MYOM1: variants seen among roughly 807,000 people sequenced by gnomAD.
MYOM1 encodes the protein myomesin-1.
In MYOM1, 164 loss-of-function variants were observed where a neutral mutation model predicts 205.3. The ratio of observed to expected loss-of-function variants is 0.80; its 90% CI spans 0.70 to 0.91. The LOEUF (loss-of-function observed/expected upper bound fraction) is 0.91, where lower values mean the gene tolerates loss of function less well. Among genes scored for constraint, MYOM1 ranks in the 40% least tolerant of loss-of-function variants. The pLI is 0.00. For synonymous variants in MYOM1, 772 were observed against 789.4 expected (o/e 0.98, Z 0.37); for missense variants, 2,011 against 2,127.3 (o/e 0.95, Z 1.08).
At chr18:3,139,941 AGTT>A (rs1204797402) in intron 14 of MYOM1, among the ~76,000 whole-genome samples, 4 of 152,190 alleles carry the variant, frequency 2.6e-5, no homozygotes, top group Non-Finnish European at 5.9e-5. Flanking sequence ...GCCTCCAAAT[AGTT>A]GTTATGTGCC....
At position 3,131,459 on chromosome 18, in the gene MYOM1, T is replaced by A; in HGVS notation, c.2422A>T (p.Ile808Phe). 2 of 1,613,846 alleles carry A rather than the reference T, an allele frequency of 1.2e-6. No individual in the cohort carries two copies. ...GCATTGACTGCTCTGACCCGGAAAA[T>A]ATAACTCTGACCAGTCACTAATCCA... The part of the protein sequence containing the change: ...CHGLVTGQSY[I>F]FRVRAVNAAG... The change falls in exon 17 of 38, where the codon ATT becomes TTT. Residue 808 changes from isoleucine to phenylalanine, a missense_variant. By Grantham distance (21) the Ile-to-Phe change is conservative (BLOSUM62 0). Transcript: ENST00000356443.
At chr18:3,212,229 A>C (rs1420406528) in intron 2 of MYOM1, among the ~76,000 whole-genome samples, 1 of 152,234 alleles carries the variant, frequency 6.6e-6, no homozygotes, top group African/African-American at 2.4e-5. Context: ...TTCAAACATA[A>C]CAAGCCATAA....
chr18:3,104,583 C>T (rs1567907559), intron 22 of MYOM1, among the ~76,000 whole-genome samples: 2 of 152,042 alleles, frequency 1.3e-5, no homozygotes, highest in African/African-American at 2.4e-5. Flanking sequence ...TAATCAGCCT[C>T]GCCATTCTCT....
At chr18:3,117,771 T>C (rs568369812) in intron 20 of MYOM1, among the ~76,000 whole-genome samples, 3 of 152,306 alleles carry the variant, frequency 2.0e-5, no homozygotes, top group South Asian at 4.1e-4. Context: ...TGTTATGCCA[T>C]GCTTTGGTGT....
Position 3,071,848 on chromosome 18 carries a change from T to G in MYOM1, c.4750A>C (p.Ile1584Leu). The change falls in exon 37 of 38, where the codon ATC becomes CTC. Residue 1584 changes from isoleucine (I) to leucine (L), a missense_variant. Ile to Leu is a conservative substitution (Grantham distance 5). Coordinates refer to ENST00000356443, the MANE Select transcript of MYOM1 (RefSeq NM_003803.4). ...VLGGLPDVVT[I>L]QEGKALNLTC... is the part of the protein sequence containing the mutation. ...TTCATGCTTACCTTCCCCTCCTGGATGGTGACCACGTCTGGGAGACCTCCC... is the reference window on the plus strand; with the variant it reads ...TTCATGCTTACCTTCCCCTCCTGGAGGGTGACCACGTCTGGGAGACCTCCC... 1 of 1,603,960 alleles carries G rather than the reference T, an allele frequency of 6.2e-7. No individual in the cohort carries two copies.
At chr18:3,102,386 T>C in intron 23 of MYOM1, 88 bp downstream of exon 23, 2 of 1,293,750 alleles carry the variant, frequency 1.5e-6, no homozygotes, top group Non-Finnish European at 2.1e-6. Context: ...CATCCTCTTA[T>C]TCCAAGCAAT....
intron 2 of MYOM1, among the ~76,000 whole-genome samples, chr18:3,214,598 T>TG: frequency 6.6e-6 from 1 of 151,740 alleles, no homozygotes; most frequent in Middle Eastern, 3.2e-3. Context: ...CCCAGGCGGG[T>TG]GGAACACCTG....
chr18:3,191,903 A>T lies in MYOM1; in HGVS notation c.431+1915T>A, dbSNP rs5028330. 2.0e-5 allele frequency among the ~76,000 whole-genome samples: 3 copies of T among 151,776 alleles called. No homozygotes were observed. In the South Asian group the frequency reaches 6.2e-4, roughly 31 times the overall value. ...AGTAGAGACCGGGTTTCACCGTGTT[A>T]GCCAGGATGGTCTCAATCTCCTGAC... is the stretch of plus-strand genomic sequence containing the variant. On this transcript the variant is annotated intron_variant, in intron 3 of 37. Transcript: ENST00000356443.
rs776516464 is a variant in MYOM1, at chr18:3,193,953, G to C, written c.296C>G (p.Thr99Arg). Residue 99 changes from threonine (T) to arginine (R), a missense_variant, in exon 3 of 38, where the codon ACA becomes AGA. Thr to Arg is a moderately conservative substitution (Grantham distance 71). Coordinates refer to ENST00000356443, the MANE Select transcript of MYOM1 (RefSeq NM_003803.4). ...AYDYGSSHGL[T>R]DSSLLLDDYS... is the part of the protein sequence containing the mutation. ...ATCATCTAACAGCAGACTGGAATCT[G>C]TAAGTCTGAAATAAACCACCTAACA... 1.9e-6 allele frequency: 3 copies of C among 1,613,230 alleles called. No homozygotes were observed. The Admixed American group carries it at 5.0e-5, about 27-fold the overall frequency.
chr18:3,131,924 C>T (rs1436507669), intron 16 of MYOM1, among the ~76,000 whole-genome samples: 1 of 151,236 alleles, frequency 6.6e-6, no homozygotes, highest in Non-Finnish European at 1.5e-5. Flanking sequence ...TGATAATTTT[C>T]ATGTAGAGGT....
In MYOM1 at chr18:3,112,354, G is replaced by T. The variant is rs371614580; in HGVS notation, c.3362C>A (p.Ala1121Glu). 3.1e-6 allele frequency: 5 copies of T among 1,612,548 alleles called. No homozygotes were observed. Among genetic ancestry groups the T allele is most frequent in the South Asian group, 2.2e-5 (2 of 90,916 alleles). ...YVFRVRAINQ[A>E]GVGKPSDLAG... Reference sequence around the variant, plus strand: ...AAGGTCAGATGGCTTCCCAACTCCCGCCTGGTTTATGGCTCGAACACGGAA... The same window carrying T: ...AAGGTCAGATGGCTTCCCAACTCCCTCCTGGTTTATGGCTCGAACACGGAA... Residue 1121 changes from alanine to glutamate, a missense_variant, in exon 22 of 38, where the codon GCG (alanine) becomes GAG (glutamate). Ala to Glu is a moderately radical substitution (Grantham distance 107). Coordinates refer to ENST00000356443, the MANE Select transcript of MYOM1 (RefSeq NM_003803.4).
At chr18:3,098,621 T>C (rs2079337348) in intron 25 of MYOM1, among the ~76,000 whole-genome samples, 1 of 152,138 alleles carries the variant, frequency 6.6e-6, no homozygotes, top group Admixed American at 6.5e-5. Flanking sequence ...ACCACTGTGA[T>C]AGCCATTCCT....
intron 22 of MYOM1, among the ~76,000 whole-genome samples, chr18:3,110,678 G>A (rs552205140): frequency 1.3e-5 from 2 of 151,700 alleles, no homozygotes; most frequent in East Asian, 3.9e-4. Context: ...AAATTGCTAA[G>A]TAAACAAACA....
At position 3,184,583 on chromosome 18, in the gene MYOM1, T is replaced by G. The variant is rs183912863; in HGVS notation, c.929+2897A>C. On this transcript the variant is annotated intron_variant, in intron 5 of 37. Coordinates refer to ENST00000356443, the MANE Select transcript of MYOM1 (RefSeq NM_003803.4). Reference sequence around the variant, plus strand: ...CAGTTCTTTTTTTGTTTGTTTGTTTTTTTGTTTTTTTAGCTCAGTTACCCA... The same window carrying G: ...CAGTTCTTTTTTTGTTTGTTTGTTTGTTTGTTTTTTTAGCTCAGTTACCCA... 4.4e-4 allele frequency among the ~76,000 whole-genome samples: 67 copies of G among 152,330 alleles called. No individual in the cohort carries two copies. The South Asian group carries it at 8.3e-3, about 19-fold the overall frequency.
At chr18:3,110,121 A>G (rs2079504551) in intron 22 of MYOM1, among the ~76,000 whole-genome samples, 1 of 152,272 alleles carries the variant, frequency 6.6e-6, no homozygotes, top group Admixed American at 6.5e-5. Flanking sequence ...TACATTTTGT[A>G]ATCTGATATG....
intron 11 of MYOM1, among the ~76,000 whole-genome samples, chr18:3,154,644 C>CAT (rs1173307977): frequency 2.1e-5 from 3 of 142,354 alleles, no homozygotes; most frequent in African/African-American, 8.9e-5. Flanking sequence ...CACACACACA[C>CAT]ACACACATTT....
At chr18:3,215,525 C>CAATTT in intron 1 of MYOM1, among the ~76,000 whole-genome samples, 1 of 152,036 alleles carries the variant, frequency 6.6e-6, no homozygotes, top group South Asian at 2.1e-4. Flanking sequence ...ATTGCTTGAG[C>CAATTT]CCAAGACTTC....
At chr18:3,205,363 T>C (rs1193464559) in intron 2 of MYOM1, among the ~76,000 whole-genome samples, 1 of 151,974 alleles carries the variant, frequency 6.6e-6, no homozygotes, top group Admixed American at 6.6e-5. Flanking sequence ...TAAATAACTA[T>C]GACAACTCAA....
At chr18:3,204,739 T>C (rs189881985) in intron 2 of MYOM1, among the ~76,000 whole-genome samples, 43 of 152,084 alleles carry the variant, frequency 2.8e-4, no homozygotes, top group Admixed American at 1.1e-3. Flanking sequence ...AAAATTTATA[T>C]GGAAATATGA....
Sources: gnomAD v4.1 joint callset for allele counts (sites outside exome capture counted in the v4.1 genomes callset) on GRCh38, gnomAD v4.1.1 for gene constraint, MANE v1.5 for transcripts, NCBI Gene and HGNC (gene_info 2026-07-23, HGNC 2026-07-21) for gene names.